The following AGBL4 variants were observed in gnomAD, a reference collection of about 807,000 sequenced individuals.
AGBL4 encodes the protein cytosolic carboxypeptidase 6.
In AGBL4, 58 loss-of-function variants were observed where a neutral mutation model predicts 66.4. That is an observed-to-expected ratio of 0.87 (90% CI 0.71 to 1.09). The LOEUF is 1.09. Among genes scored for constraint, AGBL4 ranks in the 50% least tolerant of loss-of-function variants. The probability of loss-of-function intolerance (pLI) is 0.00; values close to 1 mark genes in which losing one functional copy is unlikely to be tolerated. For missense variants in AGBL4, 579 were observed against 631.0 expected (o/e 0.92, Z 0.88); for synonymous variants, 234 against 222.9 (o/e 1.05, Z -0.44).
chr1:48,646,527 G>GTGTGTT (rs1161949744), intron 8 of AGBL4, among the ~76,000 whole-genome samples: 1 of 150,838 alleles, frequency 6.6e-6, no homozygotes, highest in African/African-American at 2.4e-5. Flanking sequence ...GTGTGTGTGT[G>GTGTGTT]TGTGTGTGTG....
chr1:49,748,858 G>T (rs563453330), intron 2 of AGBL4, among the ~76,000 whole-genome samples: 3 of 152,026 alleles, frequency 2.0e-5, no homozygotes, highest in Non-Finnish European at 4.4e-5. Context: ...GGGGCTGTTT[G>T]TTTTTTTCTT....
At chr1:49,704,063 C>T (rs1033157474) in intron 2 of AGBL4, among the ~76,000 whole-genome samples, 4 of 151,962 alleles carry the variant, frequency 2.6e-5, no homozygotes, top group Non-Finnish European at 4.4e-5. Context: ...AAAATATTAT[C>T]GAGAGAATTT....
At chr1:49,574,242 G>A (rs1336140908) in intron 3 of AGBL4, among the ~76,000 whole-genome samples, 3 of 152,186 alleles carry the variant, frequency 2.0e-5, no homozygotes, top group Non-Finnish European at 2.9e-5. Context: ...TGGGATAATG[G>A]TGGAAGGAAC....
At chr1:49,278,391 G>A (rs1557795905) in intron 3 of AGBL4, among the ~76,000 whole-genome samples, 1 of 152,160 alleles carries the variant, frequency 6.6e-6, no homozygotes, top group Non-Finnish European at 1.5e-5. Context: ...ATCTAAGAGA[G>A]AGAGAGCAGC....
chr1:48,832,040 C>T (rs1254711880), intron 6 of AGBL4, among the ~76,000 whole-genome samples: 1 of 152,124 alleles, frequency 6.6e-6, no homozygotes, highest in Non-Finnish European at 1.5e-5. Context: ...TTTAATTATC[C>T]CCATTTTATA....
intron 3 of AGBL4, among the ~76,000 whole-genome samples, chr1:49,402,495 CT>C (rs910873556): frequency 3.3e-5 from 5 of 150,696 alleles, no homozygotes; most frequent in African/African-American, 1.2e-4. Context: ...CAAAATTCCT[CT>C]TGTTATTGAT....
intron 11 of AGBL4, among the ~76,000 whole-genome samples, chr1:48,569,242 G>A (rs932153879): frequency 2.0e-5 from 3 of 152,164 alleles, no homozygotes; most frequent in Non-Finnish European, 4.4e-5. Flanking sequence ...TCTGATCAGG[G>A]AAGAATATAG....
rs1186333971 is a variant in AGBL4 at position 49,429,850 on chromosome 1, A to ATT, written c.283-183988_283-183987dup. Among the ~76,000 whole-genome samples, 292 of 139,706 alleles carry ATT rather than the reference A, an allele frequency of 2.1e-3. 3 individuals carry two copies. Among genetic ancestry groups the ATT allele is most frequent in the African/African-American group, 7.4e-3 (282 of 38,222 alleles). 91.7% of individuals were successfully genotyped at this position (139,706 alleles called of 152,430 possible). A position where few individuals can be genotyped will look rare whatever the true frequency, so the allele number is the denominator to read the frequency against. On this transcript the variant is annotated intron_variant, in intron 3 of 13. Transcript: ENST00000371839. ...AAAGTATTTGCAGTTCTTTGAATAT[A>ATT]TTTTTTTTTTTTTTTTGAGACAGAG...
intron 4 of AGBL4, among the ~76,000 whole-genome samples, chr1:49,167,432 T>C (rs1465102610): frequency 6.6e-6 from 1 of 152,178 alleles, no homozygotes; most frequent in Non-Finnish European, 1.5e-5. Flanking sequence ...TCTATTAACA[T>C]GAGCTGGGTC....
At chr1:49,549,871 C>T (rs1652814788) in intron 3 of AGBL4, among the ~76,000 whole-genome samples, 1 of 152,130 alleles carries the variant, frequency 6.6e-6, no homozygotes, top group Non-Finnish European at 1.5e-5. Flanking sequence ...GTAGTGCTGT[C>T]AGTGGAGTAT....
intron 5 of AGBL4, among the ~76,000 whole-genome samples, chr1:48,942,231 G>A (rs1057404833): frequency 1.3e-5 from 2 of 151,940 alleles, no homozygotes; most frequent in Admixed American, 6.6e-5. Flanking sequence ...AAAAGACAAA[G>A]GCCTACTGAA....
At chr1:49,075,555 G>A (rs2147944827) in intron 4 of AGBL4, among the ~76,000 whole-genome samples, 1 of 152,110 alleles carries the variant, frequency 6.6e-6, no homozygotes, top group East Asian at 1.9e-4. Flanking sequence ...GTTTTTGTAA[G>A]ATTATTTTTA....
intron 4 of AGBL4, among the ~76,000 whole-genome samples, chr1:49,159,913 G>A (rs1569876534): frequency 6.6e-6 from 1 of 152,222 alleles, no homozygotes. Flanking sequence ...TCAGCTCCAG[G>A]AGGTAATTTA....
At position 48,704,399 on chromosome 1, in the gene AGBL4, C is replaced by T. The variant is rs561122479; in HGVS notation, c.635-41158G>A. ...TTTTTCTTTTTCAATAATAAATTAACCTCAGTTTACTATGACTTTTTTACT... is the reference window on the plus strand; with the variant it reads ...TTTTTCTTTTTCAATAATAAATTAATCTCAGTTTACTATGACTTTTTTACT... On this transcript the variant is annotated intron_variant, in intron 6 of 13. Transcript: ENST00000371839. Among the ~76,000 whole-genome samples the T allele has an allele frequency of 2.0e-5, 3 of 152,242 alleles. No individual in the cohort carries two copies. In the South Asian group the frequency reaches 6.2e-4, roughly 32 times the overall value.
intron 1 of AGBL4, among the ~76,000 whole-genome samples, chr1:49,922,889 C>T (rs981807430): frequency 1.3e-5 from 2 of 152,054 alleles, no homozygotes; most frequent in African/African-American, 4.8e-5. Context: ...CAATACTGCC[C>T]AAAGCAATTT....
chr1:49,619,629 C>T lies in AGBL4; in HGVS notation c.282+77684G>A, dbSNP rs538127728. The stretch of plus-strand genomic sequence containing the variant: ...AATTAGAGAATACTACTTTAAATTA[C>T]ATATGGAACCAAAAAAGAGTCTGTA... On this transcript the variant is annotated intron_variant, in intron 3 of 13. Coordinates refer to ENST00000371839, the MANE Select transcript of AGBL4 (RefSeq NM_032785.4). Among the ~76,000 whole-genome samples, 4 of 152,178 alleles carry T rather than the reference C, an allele frequency of 2.6e-5. No individual in the cohort carries two copies. In the South Asian group the frequency reaches 6.2e-4, roughly 24 times the overall value.
At chr1:48,660,473 G>T (rs916569855) in intron 7 of AGBL4, among the ~76,000 whole-genome samples, 1 of 152,216 alleles carries the variant, frequency 6.6e-6, no homozygotes, top group Non-Finnish European at 1.5e-5. Context: ...GTGGGCTGAT[G>T]GGGGCTGAGG....
At chr1:48,534,426 A>G in intron 13 of AGBL4, 133 bp from the exon 14 acceptor site, 1 of 1,271,758 alleles carries the variant, frequency 7.9e-7, no homozygotes, top group Non-Finnish European at 1.1e-6. Flanking sequence ...TTCTTCCCAC[A>G]GACACTAAAG....
chr1:49,600,027 C>A (rs1487226718), intron 3 of AGBL4, among the ~76,000 whole-genome samples: 1 of 152,100 alleles, frequency 6.6e-6, no homozygotes, highest in African/African-American at 2.4e-5. Context: ...GTTTTACTTC[C>A]AATTATGTGG....
Sources: gnomAD v4.1 joint callset for allele counts (sites outside exome capture counted in the v4.1 genomes callset) on GRCh38, gnomAD v4.1.1 for gene constraint, MANE v1.5 for transcripts, NCBI Gene and HGNC (gene_info 2026-07-23, HGNC 2026-07-21) for gene names.